NRXN3: variants seen among roughly 807,000 people sequenced by gnomAD.
The protein encoded by NRXN3 is neurexin 3, also known as neurexin III.
In NRXN3, 32 loss-of-function variants were observed where a neutral mutation model predicts 137.6. The ratio of observed to expected loss-of-function variants is 0.23; its 90% CI spans 0.18 to 0.31. The LOEUF (loss-of-function observed/expected upper bound fraction) is 0.31. Ranked by LOEUF, NRXN3 falls within the 10% of genes least tolerant of loss-of-function variation. The probability of loss-of-function intolerance (pLI) is 1.00; values close to 1 mark genes in which losing one functional copy is unlikely to be tolerated. For synonymous variants in NRXN3, 798 were observed against 784.5 expected, an observed-to-expected ratio of 1.02 and a Z score of -0.29; for missense variants, 1,574 against 2,062.5, an observed-to-expected ratio of 0.76 and a Z score of 4.59.
chr14:78,904,979 A>T (rs367608181), intron 10 of NRXN3, among the ~76,000 whole-genome samples: 5 of 151,976 alleles, frequency 3.3e-5, no homozygotes, highest in African/African-American at 7.2e-5. Flanking sequence ...CTCTTTCAAC[A>T]TGATCCTGCA....
At chr14:79,215,151 A>G (rs972267528) in intron 15 of NRXN3, among the ~76,000 whole-genome samples, 1 of 152,198 alleles carries the variant, frequency 6.6e-6, no homozygotes. Context: ...TGTATTAAGA[A>G]GATTATTTTC....
intron 19 of NRXN3, among the ~76,000 whole-genome samples, chr14:79,741,283 C>T (rs1255172783): frequency 1.3e-5 from 2 of 151,992 alleles, no homozygotes; most frequent in East Asian, 1.9e-4. Flanking sequence ...AATTTGGTTT[C>T]GTGCTAAATC....
intron 6 of NRXN3, among the ~76,000 whole-genome samples, chr14:78,660,816 T>A (rs2097833675): frequency 6.6e-6 from 1 of 152,220 alleles, no homozygotes; most frequent in African/African-American, 2.4e-5. Context: ...CAGGAAGCCC[T>A]AGGTGATGTA....
intron 1 of NRXN3, chr14:78,231,743 T>C (rs917771773): frequency 3.3e-5 from 5 of 152,316 alleles, no homozygotes; most frequent in African/African-American, 1.2e-4. Context: ...TCCTACATCA[T>C]AGAGGTTTTG....
At chr14:78,199,893 C>G (rs2061530821) in intron 1 of NRXN3, among the ~76,000 whole-genome samples, 1 of 152,202 alleles carries the variant, frequency 6.6e-6, no homozygotes, top group African/African-American at 2.4e-5. Flanking sequence ...AGGAGTGGCT[C>G]TCCCCCTGCA....
At chr14:78,231,346 C>T (rs955000388) in intron 1 of NRXN3, 3 of 152,322 alleles carry the variant, frequency 2.0e-5, no homozygotes, top group Non-Finnish European at 2.9e-5. Flanking sequence ...GTGTTTGGTC[C>T]TTCTAGGCAT....
chr14:79,811,586 T>TC (rs2099233486), intron 20 of NRXN3, among the ~76,000 whole-genome samples: 1 of 139,096 alleles, frequency 7.2e-6, no homozygotes, highest in African/African-American at 2.9e-5. Context: ...TTTTTCTTTT[T>TC]TTTTTTTTTT....
At chr14:78,921,377 T>C (rs2099270600) in intron 10 of NRXN3, among the ~76,000 whole-genome samples, 1 of 152,176 alleles carries the variant, frequency 6.6e-6, no homozygotes, top group South Asian at 2.1e-4. Context: ...GAGAAGTTAG[T>C]AAAACTGAAA....
At chr14:78,753,965 A>T (rs1316461500) in intron 8 of NRXN3, 1 of 152,186 alleles carries the variant, frequency 6.6e-6, no homozygotes, top group African/African-American at 2.4e-5. Context: ...TTCAAATTTT[A>T]AGGAGTTTAT....
At chr14:79,399,545 A>G (rs901274727) in intron 15 of NRXN3, among the ~76,000 whole-genome samples, 12 of 152,190 alleles carry the variant, frequency 7.9e-5, no homozygotes, top group Non-Finnish European at 1.2e-4. Flanking sequence ...GGGGTCTACA[A>G]ACGGCATGGT....
chr14:79,491,654 A>AGT (rs113305088), intron 16 of NRXN3, among the ~76,000 whole-genome samples: 16,145 of 151,138 alleles, frequency 0.11, 1,030 homozygotes, highest in South Asian at 0.23. Context: ...AAAATAAAAA[A>AGT]GTGTGTGTGT....
chr14:78,353,207 C>T (rs188985235), intron 4 of NRXN3, among the ~76,000 whole-genome samples: 88 of 152,296 alleles, frequency 5.8e-4, no homozygotes, highest in Admixed American at 3.3e-3. Context: ...CAAGACCCCA[C>T]GTCTCTGGTT....
intron 1 of NRXN3, among the ~76,000 whole-genome samples, chr14:78,215,102 C>T (rs2063122164): frequency 6.6e-6 from 1 of 151,998 alleles, no homozygotes; most frequent in Non-Finnish European, 1.5e-5. Context: ...AATACTGTGC[C>T]ACGTCTTAGT....
Position 79,308,467 on chromosome 14 carries a change from A to G in NRXN3, c.3263-158754A>G, listed in dbSNP as rs537891665. Among the ~76,000 whole-genome samples the G allele has an allele frequency of 3.3e-5, 5 of 152,274 alleles. No individual in the cohort carries two copies. In the South Asian group the frequency reaches 8.3e-4, roughly 25 times the overall value. On this transcript the variant is annotated intron_variant, in intron 15 of 20. Coordinates refer to ENST00000335750, the MANE Select transcript of NRXN3 (RefSeq NM_001330195.2). ...GGTCCTCCAAGCTTATGAATTTTCTAGAAACTTTTTAACTTGCATATGGTA... is the reference window on the plus strand; with the variant it reads ...GGTCCTCCAAGCTTATGAATTTTCTGGAAACTTTTTAACTTGCATATGGTA...
chr14:78,731,926 G>C (rs2098517771), intron 8 of NRXN3, among the ~76,000 whole-genome samples: 1 of 24,134 alleles, frequency 4.1e-5, no homozygotes, highest in African/African-American at 9.6e-5. Context: ...GCCAGCTATT[G>C]CCTCAGTAAT....
At chr14:79,286,570 T>C (rs1044957349) in intron 15 of NRXN3, among the ~76,000 whole-genome samples, 3 of 148,684 alleles carry the variant, frequency 2.0e-5, no homozygotes, top group African/African-American at 7.4e-5. Context: ...AGTGTATATA[T>C]AAGTTCTGGT....
At chr14:79,232,875 A>C (rs930364266) in intron 15 of NRXN3, among the ~76,000 whole-genome samples, 1 of 152,176 alleles carries the variant, frequency 6.6e-6, no homozygotes, top group Non-Finnish European at 1.5e-5. Flanking sequence ...ATAAAATCTA[A>C]ACCTATGACA....
intron 4 of NRXN3, among the ~76,000 whole-genome samples, chr14:78,619,033 T>C (rs1230061087): frequency 1.3e-5 from 2 of 152,180 alleles, no homozygotes; most frequent in African/African-American, 2.4e-5. Flanking sequence ...TTCAAACCCA[T>C]TACTGTTGCA....
At chr14:78,889,353 A>C (rs749207163) in intron 10 of NRXN3, among the ~76,000 whole-genome samples, 1 of 151,930 alleles carries the variant, frequency 6.6e-6, no homozygotes, top group Non-Finnish European at 1.5e-5. Flanking sequence ...TGCTGAGTGC[A>C]GTTTTGCTTT....
Sources: gnomAD v4.1 joint callset for allele counts (sites outside exome capture counted in the v4.1 genomes callset) on GRCh38, gnomAD v4.1.1 for gene constraint, MANE v1.5 for transcripts, NCBI Gene and HGNC (gene_info 2026-07-23, HGNC 2026-07-21) for gene names.